The following REV1 variants were observed in gnomAD, a reference collection of about 807,000 sequenced individuals.
REV1 encodes translesion synthesis protein REV1.
REV1 carries 42 observed loss-of-function variants against 137.4 expected under a neutral mutation model. That is an observed-to-expected ratio of 0.31 (90% CI 0.24 to 0.40). The LOEUF is 0.40. Among genes scored for constraint, REV1 ranks in the 10% least tolerant of loss-of-function variants. REV1 has a pLI of 1.00. For synonymous variants in REV1, 524 were observed against 519.2 expected (o/e 1.01, Z -0.12); for missense variants, 1,282 against 1,490.1 (o/e 0.86, Z 2.30).
chr2:99,473,087 C>T (rs979855703), intron 1 of REV1, among the ~76,000 whole-genome samples: 2 of 152,080 alleles, frequency 1.3e-5, no homozygotes, highest in Non-Finnish European at 2.9e-5. Flanking sequence ...AACAAAAGGC[C>T]GGGCCTGGTG....
chr2:99,406,545 T>C lies in REV1; in HGVS notation c.2449-55A>G, dbSNP rs1445672093. On this transcript the variant is annotated intron_variant, in intron 15 of 22. Transcript: ENST00000258428. ...AGGAAAACTAAAGTGAAAATATGAA[T>C]TCAGCTAAGCAAAATCCTCAGCAAA... The C allele has an allele frequency of 2.9e-6, 4 of 1,382,532 alleles. No homozygotes were observed. In the African/African-American group the frequency reaches 5.8e-5, roughly 20 times the overall value. 85.6% of individuals were successfully genotyped at this position (1,382,532 alleles called of 1,614,324 possible). A position where few individuals can be genotyped will look rare whatever the true frequency, so the allele number is the denominator to read the frequency against.
At position 99,470,213 on chromosome 2, in the gene REV1, C is replaced by G. The variant is rs1419980016; in HGVS notation, c.-10-5228G>C. On this transcript the variant is annotated intron_variant, in intron 1 of 22. Coordinates refer to ENST00000258428, the MANE Select transcript of REV1 (RefSeq NM_016316.4). Reference sequence around the variant, plus strand: ...TCATCACACACTAGAAAAACTTCCACTACATATCCACAAAATGTTCAAATG... The same window carrying G: ...TCATCACACACTAGAAAAACTTCCAGTACATATCCACAAAATGTTCAAATG... Among the ~76,000 whole-genome samples, 3 of 152,150 alleles carry G rather than the reference C, an allele frequency of 2.0e-5. No homozygotes were observed. In the East Asian group the frequency reaches 5.8e-4, roughly 29 times the overall value.
Position 99,418,916 on chromosome 2 carries a change from A to G in REV1, c.1863T>C (p.Thr621=). Residue 621 remains threonine (T), a synonymous_variant, in exon 12 of 23, where the codon ACT becomes ACC. Coordinates refer to ENST00000258428, the MANE Select transcript of REV1 (RefSeq NM_016316.4). ...GSNILLARMA[T]RKAKPDGQYH... ...ACTGCCCATCTGGTTTTGCTTTTCTAGTTGCCATTCTAGCCAGGAGAATAT... is the reference window on the plus strand; with the variant it reads ...ACTGCCCATCTGGTTTTGCTTTTCTGGTTGCCATTCTAGCCAGGAGAATAT... 6.2e-7 allele frequency: 1 copy of G among 1,612,334 alleles called. No individual in the cohort carries two copies. The highest frequency in any genetic ancestry group is 1.7e-5 in the Admixed American group (1 of 59,990).
At chr2:99,462,315 G>A (rs1249195522) in intron 3 of REV1, among the ~76,000 whole-genome samples, 181 bp downstream of exon 3, 1 of 152,108 alleles carries the variant, frequency 6.6e-6, no homozygotes, top group African/African-American at 2.4e-5. Context: ...AAAAGTTAAA[G>A]ACAATGGCAG....
In REV1 at chr2:99,405,994, A is replaced by G. The variant is rs777687269; in HGVS notation, c.2727T>C (p.Ser909=). ...TATGTAGACCATTCCATTTCCCTGA[A>G]GACTCAGCCTTGTTAGTATCAGGAC... The part of the protein sequence containing the change: ...PTSPDTNKAE[S]SGKWNGLHTP... Residue 909 remains serine (S), a synonymous_variant, in exon 17 of 23, where the codon TCT becomes TCC. Coordinates refer to ENST00000258428, the MANE Select transcript of REV1 (RefSeq NM_016316.4). 1.2e-6 allele frequency: 2 copies of G among 1,614,092 alleles called. No homozygotes were observed. Among genetic ancestry groups the G allele is most frequent in the Non-Finnish European group, 1.7e-6 (2 of 1,179,984 alleles).
intron 3 of REV1, among the ~76,000 whole-genome samples, chr2:99,451,116 G>A (rs7567674): frequency 0.62 from 94,038 of 151,994 alleles, 29,952 homozygotes; most frequent in African/African-American, 0.75. Context: ...TGATCTTATA[G>A]AATAACAGTG....
At chr2:99,419,369 T>A (rs1678350419) in intron 11 of REV1, among the ~76,000 whole-genome samples, 1 of 151,972 alleles carries the variant, frequency 6.6e-6, no homozygotes, top group Non-Finnish European at 1.5e-5. Flanking sequence ...CCCACCACCA[T>A]GCCCGGCTAA....
At position 99,401,094 on chromosome 2, in the gene REV1, A is replaced by T. The variant is rs1675326019; in HGVS notation, c.*147T>A. On this transcript the variant is annotated 3_prime_UTR_variant, in exon 23 of 23. Coordinates refer to ENST00000258428, the MANE Select transcript of REV1 (RefSeq NM_016316.4). Reference sequence around the variant, plus strand: ...TACATGCAATACTGACAAATTTGGCACTTTTTGAAAAGAAATGTACAAAAC... The same window carrying T: ...TACATGCAATACTGACAAATTTGGCTCTTTTTGAAAAGAAATGTACAAAAC... The T allele has an allele frequency of 2.0e-6, 1 of 495,262 alleles. No individual in the cohort carries two copies. The highest frequency in any genetic ancestry group is 1.9e-5 in the African/African-American group (1 of 52,394). 30.7% of individuals were successfully genotyped at this position (495,262 alleles called of 1,614,324 possible). A position where few individuals can be genotyped will look rare whatever the true frequency, so the allele number is the denominator to read the frequency against.
rs1679888946 is a variant in REV1 at position 99,429,845 on chromosome 2, C to A, written c.1542G>T (p.Glu514Asp). 6.3e-7 allele frequency: 1 copy of A among 1,582,164 alleles called. No individual in the cohort carries two copies. Among genetic ancestry groups the A allele is most frequent in the South Asian group, 1.2e-5 (1 of 85,014 alleles). ...AACACACAACTTCTACATACCTGGC[C>A]TCATAACTACAAGATGCAATTTCAG... is the stretch of plus-strand genomic sequence containing the variant. ...SRAEIASCSY[E>D]ARQLGIKNGM... The change falls in exon 9 of 23, where the codon GAG becomes GAT. Residue 514 changes from glutamate (E) to aspartate (D), a missense_variant. Glu to Asp is a conservative substitution (Grantham distance 45). Coordinates refer to ENST00000258428, the MANE Select transcript of REV1 (RefSeq NM_016316.4).
chr2:99,438,429 A>G, intron 6 of REV1, 172 bp downstream of exon 6: 1 of 577,128 alleles, frequency 1.7e-6, no homozygotes, highest in African/African-American at 1.9e-5. Context: ...TTGTTTTAAA[A>G]ATATTTTAAT....
rs373480147 is a variant in REV1 at position 99,403,123 on chromosome 2, A to G, written c.3167-17T>C. 1.9e-6 allele frequency: 3 copies of G among 1,550,422 alleles called. No homozygotes were observed. The highest frequency in any genetic ancestry group is 2.8e-5 in the African/African-American group (2 of 71,242). On this transcript the variant is annotated splice_polypyrimidine_tract_variant and intron_variant, in intron 19 of 22. Coordinates refer to ENST00000258428, the MANE Select transcript of REV1 (RefSeq NM_016316.4). ...TCTTTGGCACTAAGAGCAGATGGAT[A>G]TAAGATCCTCAACAAAATGATAGTA...
rs200733171 is a variant in REV1 at position 99,464,999 on chromosome 2, GA to G, written c.-10-15del. The G allele has an allele frequency of 2.3e-3, 3,431 of 1,475,522 alleles. 19 individuals carry two copies. Among genetic ancestry groups the G allele is most frequent in the South Asian group, 0.02 (1,527 of 77,838 alleles). 91.4% of individuals were successfully genotyped at this position (1,475,522 alleles called of 1,614,324 possible). ...ATGGTGGAGCTTCTGTATTGGGGAG[GA>G]AAAAAAAAATGTCAATTTTATAACA... On this transcript the variant is annotated splice_polypyrimidine_tract_variant and intron_variant, in intron 1 of 22. Transcript: ENST00000258428.
rs1675353369 is a variant in REV1 at position 99,401,237 on chromosome 2, A to G, written c.*4T>C. 1.3e-6 allele frequency: 2 copies of G among 1,571,606 alleles called. No individual in the cohort carries two copies. Among genetic ancestry groups the G allele is most frequent in the Non-Finnish European group, 1.8e-6 (2 of 1,141,804 alleles). On this transcript the variant is annotated 3_prime_UTR_variant, in exon 23 of 23. Coordinates refer to ENST00000258428, the MANE Select transcript of REV1 (RefSeq NM_016316.4). Reference sequence around the variant, plus strand: ...TCAGAGAGCATCAGGCTCTCTGGTAATATTTATGTAACTTTTAATGTGCTT... The same window carrying G: ...TCAGAGAGCATCAGGCTCTCTGGTAGTATTTATGTAACTTTTAATGTGCTT...
chr2:99,449,536 T>C, intron 3 of REV1, 32 bp from the exon 4 acceptor site: 2 of 1,208,670 alleles, frequency 1.7e-6, no homozygotes, highest in Non-Finnish European at 2.2e-6. Context: ...ATATTAAGAG[T>C]CTTATGTGTA....
intron 6 of REV1, 134 bp downstream of exon 6, chr2:99,438,467 G>A (rs1284511743): frequency 1.9e-5 from 12 of 638,980 alleles, no homozygotes; most frequent in African/African-American, 1.1e-4. Context: ...TATGCTTACT[G>A]TAACTTACAT....
chr2:99,488,971 AAAGAG>A (rs1016241607), intron 1 of REV1, among the ~76,000 whole-genome samples: 3 of 152,350 alleles, frequency 2.0e-5, no homozygotes, highest in African/African-American at 7.2e-5. Flanking sequence ...ACGTGGAGAT[AAAGAG>A]AATTAGCAGA....
chr2:99,421,710 C>A (rs1164305942), intron 10 of REV1, 57 bp from the exon 11 acceptor site: 8 of 1,534,230 alleles, frequency 5.2e-6, no homozygotes, highest in Non-Finnish European at 7.1e-6. Context: ...CTGGTAGACC[C>A]AATGTTGCAA....
rs760069722 is a variant in REV1, at chr2:99,404,432, T to C, written c.3045+12A>G. ...TTGAAACTACAGCAGAGGGTTCCCA[T>C]ATTTAACTTACCTGTGAAAATGCTG... On this transcript the variant is annotated intron_variant, in intron 18 of 22. Coordinates refer to ENST00000258428, the MANE Select transcript of REV1 (RefSeq NM_016316.4). The C allele has an allele frequency of 6.2e-7, 1 of 1,601,790 alleles. No individual in the cohort carries two copies. Among genetic ancestry groups the C allele is most frequent in the Non-Finnish European group, 8.5e-7 (1 of 1,170,446 alleles).
chr2:99,452,659 C>G (rs910634078), intron 3 of REV1, among the ~76,000 whole-genome samples: 2 of 152,204 alleles, frequency 1.3e-5, no homozygotes, highest in African/African-American at 4.8e-5. Flanking sequence ...GGAACCTTGT[C>G]TGTCAAGCAC....
Sources: allele counts gnomAD v4.1 joint callset (sites outside exome capture counted in the v4.1 genomes callset), GRCh38; gene constraint gnomAD v4.1.1; transcripts MANE v1.5; gene names NCBI Gene and HGNC (gene_info 2026-07-23, HGNC 2026-07-21).